PCDHGB7: variants seen among roughly 807,000 people sequenced by gnomAD.
PCDHGB7 encodes the protein protocadherin gamma subfamily B, 7.
PCDHGB7 carries 37 observed loss-of-function variants against 61.4 expected under a neutral mutation model. The observed-to-expected ratio is 0.60, with a 90% CI of 0.46 to 0.79. The LOEUF (loss-of-function observed/expected upper bound fraction) is 0.79. Ranked by LOEUF, PCDHGB7 falls within the 30% of genes least tolerant of loss-of-function variation. The probability of loss-of-function intolerance (pLI) is 0.00; values close to 1 mark genes in which losing one functional copy is unlikely to be tolerated. For missense variants in PCDHGB7, 1,166 were observed against 1,202.5 expected (o/e 0.97, Z 0.45); for synonymous variants, 464 against 503.5 (o/e 0.92, Z 1.05).
chr5:141,438,591 C>CATAT (rs946798767), intron 1 of PCDHGB7, among the ~76,000 whole-genome samples: 211 of 75,392 alleles, frequency 2.8e-3, no homozygotes, highest in Non-Finnish European at 4.1e-3. Context: ...TACATACATA[C>CATAT]ATATATATAT....
intron 1 of PCDHGB7, among the ~76,000 whole-genome samples, chr5:141,444,150 GGA>G (rs1471930589): frequency 1.6e-4 from 18 of 114,012 alleles, no homozygotes; most frequent in Non-Finnish European, 2.3e-4. Context: ...TGTGTGTACT[GGA>G]TTTTTTTTTT....
intron 2 of PCDHGB7, among the ~76,000 whole-genome samples, chr5:141,496,991 G>T (rs1164558685): frequency 6.6e-6 from 1 of 151,902 alleles, no homozygotes; most frequent in African/African-American, 2.4e-5. Context: ...TTTGAGACCA[G>T]CCTGGCAGCC....
In PCDHGB7 at chr5:141,431,779, G is replaced by A; in HGVS notation, c.2415+11505G>A. 2 of 1,614,232 alleles carry A rather than the reference G, an allele frequency of 1.2e-6. No individual in the cohort carries two copies. Among genetic ancestry groups the A allele is most frequent in the Non-Finnish European group, 1.7e-6 (2 of 1,180,030 alleles). ...AAGTCCTGATCACTGTTCTGGACGT[G>A]AACGACAATGCCCCAGAAGTGGTCC... On this transcript the variant is annotated intron_variant, in intron 1 of 3. Transcript: ENST00000398594. This position sits in a 1 kb window ranked among gnomAD's most constrained non-coding sequence, Gnocchi z 4.8.
intron 2 of PCDHGB7, 57 bp downstream of exon 2, chr5:141,494,922 C>G: frequency 6.2e-7 from 1 of 1,613,670 alleles, no homozygotes; most frequent in Admixed American, 1.7e-5. Context: ...TCAGGGATGA[C>G]GTGGGAGGAG....
intron 1 of PCDHGB7, among the ~76,000 whole-genome samples, chr5:141,468,165 A>T (rs1249592462): frequency 1.3e-5 from 2 of 151,940 alleles, no homozygotes; most frequent in Non-Finnish European, 2.9e-5. Flanking sequence ...TCTCTGCTAA[A>T]AATAGAAAAA....
At position 141,431,026 on chromosome 5, in the gene PCDHGB7, G is replaced by A; in HGVS notation, c.2415+10752G>A. On this transcript the variant is annotated intron_variant, in intron 1 of 3. Coordinates refer to ENST00000398594, the MANE Select transcript of PCDHGB7 (RefSeq NM_018927.4). This position sits in a 1 kb window ranked among gnomAD's most constrained non-coding sequence, Gnocchi z 4.8. Reference sequence around the variant, plus strand: ...GCGGCAGCTTGGTCACGGCGGGCAGGATAGACCGGGAGGAGCTCTGTATGG... The same window carrying A: ...GCGGCAGCTTGGTCACGGCGGGCAGAATAGACCGGGAGGAGCTCTGTATGG... The A allele has an allele frequency of 1.2e-6, 2 of 1,614,118 alleles. No homozygotes were observed. The highest frequency in any genetic ancestry group is 1.7e-6 in the Non-Finnish European group (2 of 1,179,960).
At chr5:141,422,690 T>G (rs1384522137) in intron 1 of PCDHGB7, 1 of 1,603,908 alleles carries the variant, frequency 6.2e-7, no homozygotes, top group Admixed American at 1.7e-5. Context: ...AATGCCCTGG[T>G]CACTTACTCT....
chr5:141,419,138 A>C lies in PCDHGB7; in HGVS notation c.1279A>C (p.Arg427=). ...CAACGTCACCATCGCAGCCACAGAC[A>C]GGGGCAAGCCTCCGTTATCCTCCAG... The part of the protein sequence containing the change: ...EYNVTIAATD[R]GKPPLSSSKT... Residue 427 remains arginine, a synonymous_variant, in exon 1 of 4, where the codon AGG becomes CGG. Coordinates refer to ENST00000398594, the MANE Select transcript of PCDHGB7 (RefSeq NM_018927.4). 1 of 1,613,920 alleles carries C rather than the reference A, an allele frequency of 6.2e-7. No individual in the cohort carries two copies. Among genetic ancestry groups the C allele is most frequent in the Non-Finnish European group, 8.5e-7 (1 of 1,179,888 alleles).
intron 1 of PCDHGB7, among the ~76,000 whole-genome samples, chr5:141,455,177 T>C (rs2098816411): frequency 6.6e-6 from 1 of 152,040 alleles, no homozygotes; most frequent in Non-Finnish European, 1.5e-5. Context: ...TTTTAGTTTT[T>C]TTATTTCTCT....
At position 141,476,675 on chromosome 5, in the gene PCDHGB7, C is replaced by T. The variant is rs2099395961; in HGVS notation, c.2416-18132C>T. On this transcript the variant is annotated intron_variant, in intron 1 of 3. Transcript: ENST00000398594. The surrounding 1 kb of genome is among the most constrained non-coding windows in gnomAD (Gnocchi z 7.6). ...ATACTTTGCGCTTCGCGTGCAGACG[C>T]GGGAGGACAGCACCAAGTACGCGGA... 1.2e-6 allele frequency: 2 copies of T among 1,614,124 alleles called. No homozygotes were observed. The highest frequency in any genetic ancestry group is 8.5e-7 in the Non-Finnish European group (1 of 1,180,062).
In PCDHGB7 at chr5:141,511,216, C is replaced by A. The variant is rs374915167; in HGVS notation, c.*43C>A. On this transcript the variant is annotated 3_prime_UTR_variant, in exon 4 of 4. Coordinates refer to ENST00000398594, the MANE Select transcript of PCDHGB7 (RefSeq NM_018927.4). Reference sequence around the variant, plus strand: ...GAGCCACAGGGCGGCCTCTCCCCAACCAGCCCAGCTTCTCCTTACCTGCAC... The same window carrying A: ...GAGCCACAGGGCGGCCTCTCCCCAAACAGCCCAGCTTCTCCTTACCTGCAC... The A allele has an allele frequency of 6.2e-7, 1 of 1,608,004 alleles. No homozygotes were observed. The highest frequency in any genetic ancestry group is 1.3e-5 in the African/African-American group (1 of 74,736).
At chr5:141,450,898 C>T (rs929869116) in intron 1 of PCDHGB7, among the ~76,000 whole-genome samples, 12 of 150,412 alleles carry the variant, frequency 8.0e-5, no homozygotes, top group African/African-American at 2.9e-4. Context: ...GATATCGGCT[C>T]ACTGCAACCG....
intron 1 of PCDHGB7, chr5:141,423,492 C>T (rs2154550191): frequency 1.2e-6 from 2 of 1,613,972 alleles, no homozygotes; most frequent in East Asian, 4.5e-5. Context: ...AAACCTATTC[C>T]CACGAGGTCT....
chr5:141,499,261 GT>G (rs2099790689), intron 2 of PCDHGB7, among the ~76,000 whole-genome samples: 1 of 152,022 alleles, frequency 6.6e-6, no homozygotes, highest in South Asian at 2.1e-4. Context: ...TCTCCATTTG[GT>G]CCCTAGACTG....
At position 141,505,390 on chromosome 5, in the gene PCDHGB7, C is replaced by T; in HGVS notation, c.2475-3C>T. On this transcript the variant is annotated splice_polypyrimidine_tract_variant and splice_region_variant and intron_variant, in intron 2 of 3. Coordinates refer to ENST00000398594, the MANE Select transcript of PCDHGB7 (RefSeq NM_018927.4). ...TGTGCTCACCATCCTACTCTCTCCCCAGCTCCCAAAATGGCGATGACACCG... is the reference window on the plus strand; with the variant it reads ...TGTGCTCACCATCCTACTCTCTCCCTAGCTCCCAAAATGGCGATGACACCG... The T allele has an allele frequency of 6.2e-7, 1 of 1,614,130 alleles. No individual in the cohort carries two copies.
chr5:141,480,074 A>G (rs976924380), intron 1 of PCDHGB7, among the ~76,000 whole-genome samples: 5 of 152,196 alleles, frequency 3.3e-5, no homozygotes, highest in Non-Finnish European at 7.3e-5. Flanking sequence ...TATAAGATTC[A>G]TGCATGATAT....
intron 1 of PCDHGB7, chr5:141,428,256 T>A: frequency 1.2e-6 from 1 of 863,822 alleles, no homozygotes; most frequent in Non-Finnish European, 1.9e-6. Flanking sequence ...CAGACTTCAG[T>A]GACAGTCCTG....
chr5:141,431,828 C>T lies in PCDHGB7; in HGVS notation c.2415+11554C>T. The T allele has an allele frequency of 6.2e-7, 1 of 1,610,208 alleles. No individual in the cohort carries two copies. Among genetic ancestry groups the T allele is most frequent in the Non-Finnish European group, 8.5e-7 (1 of 1,176,374 alleles). On this transcript the variant is annotated intron_variant, in intron 1 of 3. Transcript: ENST00000398594. This position sits in a 1 kb window ranked among gnomAD's most constrained non-coding sequence, Gnocchi z 4.8. Reference sequence around the variant, plus strand: ...CCTCACCTCTCTCGCCAGCTCGGTTCCCGAAAACTCTCCCAGAGGGACATT... The same window carrying T: ...CCTCACCTCTCTCGCCAGCTCGGTTTCCGAAAACTCTCCCAGAGGGACATT...
chr5:141,491,783 A>C lies in PCDHGB7; in HGVS notation c.2416-3024A>C. 1 of 1,539,736 alleles carries C rather than the reference A, an allele frequency of 6.5e-7. No individual in the cohort carries two copies. The highest frequency in any genetic ancestry group is 1.2e-5 in the South Asian group (1 of 82,444). On this transcript the variant is annotated intron_variant, in intron 1 of 3. Coordinates refer to ENST00000398594, the MANE Select transcript of PCDHGB7 (RefSeq NM_018927.4). The surrounding 1 kb of genome is among the most constrained non-coding windows in gnomAD (Gnocchi z 6.9). ...CGTCCTCATAAGGGATTGAACTTGC[A>C]TCCACTCCTCTCCGGCCGGCTTGGT...
Sources: allele counts gnomAD v4.1 joint callset (sites outside exome capture counted in the v4.1 genomes callset), GRCh38; gene constraint gnomAD v4.1.1; non-coding constraint Gnocchi (gnomAD v3.1); transcripts MANE v1.5; gene names NCBI Gene and HGNC (gene_info 2026-07-23, HGNC 2026-07-21).